The following ARHGEF10L variants were observed in gnomAD, a reference collection of about 807,000 sequenced individuals.
The protein encoded by ARHGEF10L is Rho guanine nucleotide exchange factor 10 like.
In ARHGEF10L, 69 loss-of-function variants were observed where a neutral mutation model predicts 141.2. The observed-to-expected ratio is 0.49, with a 90% CI of 0.40 to 0.60. ARHGEF10L has a LOEUF of 0.60. Among genes scored for constraint, ARHGEF10L ranks in the 20% least tolerant of loss-of-function variants. ARHGEF10L has a pLI of 0.00. For synonymous variants in ARHGEF10L, 711 were observed against 718.5 expected, an observed-to-expected ratio of 0.99 and a Z score of 0.17; for missense variants, 1,482 against 1,734.3, an observed-to-expected ratio of 0.85 and a Z score of 2.58.
intron 1 of ARHGEF10L, among the ~76,000 whole-genome samples, chr1:17,566,691 A>T (rs72648412): frequency 0.036 from 5,484 of 152,300 alleles, 154 homozygotes; most frequent in South Asian, 0.15. Context: ...CCAGTATCAG[A>T]CCTGGGAGAG....
intron 7 of ARHGEF10L, among the ~76,000 whole-genome samples, 173 bp from the exon 8 acceptor site, chr1:17,612,885 G>C (rs1199361281): frequency 6.6e-6 from 1 of 152,230 alleles, no homozygotes; most frequent in Non-Finnish European, 1.5e-5. Flanking sequence ...TTCCGGGCAG[G>C]ATCTGGCTGG....
rs1248429322 is a variant in ARHGEF10L at position 17,621,955 on chromosome 1, G to A, written c.1020+14G>A. The A allele has an allele frequency of 1.9e-6, 3 of 1,614,100 alleles. No homozygotes were observed. Among genetic ancestry groups the A allele is most frequent in the Non-Finnish European group, 1.7e-6 (2 of 1,179,946 alleles). On this transcript the variant is annotated intron_variant, in intron 11 of 28. Transcript: ENST00000361221. This position sits in a 1 kb window ranked among gnomAD's most constrained non-coding sequence, Gnocchi z 4.1. ...CGGATACTCCAGGTGCGACTTCAGG[G>A]AGTTCTCAAGGGTCTCTGGGGAGAA...
upstream of ARHGEF10L, among the ~76,000 whole-genome samples, chr1:17,536,992 C>T (rs2076585148): frequency 6.6e-6 from 1 of 152,070 alleles, no homozygotes; most frequent in African/African-American, 2.4e-5. Flanking sequence ...ACCTCAGCCA[C>T]CTGAGTAGCT....
At chr1:17,526,136 A>G in the ARHGEF10L span, among the ~76,000 whole-genome samples, 2 of 152,168 alleles carry the variant, frequency 1.3e-5, no homozygotes, top group African/African-American at 4.8e-5. Context: ...GAATTGCTCA[A>G]ATGGATGGCT....
chr1:17,670,386 C>T (rs1449717590), intron 26 of ARHGEF10L, among the ~76,000 whole-genome samples: 2 of 152,246 alleles, frequency 1.3e-5, no homozygotes, highest in African/African-American at 2.4e-5. Flanking sequence ...CACCGGGGCC[C>T]GTGTCAACAC....
rs117932526 is a variant in ARHGEF10L, at chr1:17,676,127, G to A, written c.3010-11446G>A. On this transcript the variant is annotated intron_variant, in intron 26 of 28. Coordinates refer to ENST00000361221, the MANE Select transcript of ARHGEF10L (RefSeq NM_018125.4). ...AGGTGTACGTGCAGGCATGGGTGCA[G>A]GCGTGGGTGCAGGTGTAGGTGCAGG... Among the ~76,000 whole-genome samples the A allele has an allele frequency of 7.3e-3, 1,087 of 148,902 alleles. 62 individuals are homozygous for A. In the East Asian group the frequency reaches 0.16, roughly 22 times the overall value.
Position 17,697,504 on chromosome 1 carries a change from A to G in ARHGEF10L, c.*124A>G, listed in dbSNP as rs1455352432. The G allele has an allele frequency of 9.5e-7, 1 of 1,057,346 alleles. No individual in the cohort carries two copies. The highest frequency in any genetic ancestry group is 1.3e-6 in the Non-Finnish European group (1 of 760,118). 65.5% of individuals were successfully genotyped at this position (1,057,346 alleles called of 1,614,324 possible). The stretch of plus-strand genomic sequence containing the variant: ...TGGACTCTCCAGAAACTACTTGGGC[A>G]GAGCAAAGGAAAACCTCTTGTTTTA... On this transcript the variant is annotated 3_prime_UTR_variant, in exon 29 of 29. Transcript: ENST00000361221. The surrounding 1 kb of genome is among the most constrained non-coding windows in gnomAD (Gnocchi z 4.8).
At chr1:17,517,462 T>A in the ARHGEF10L span, among the ~76,000 whole-genome samples, 1 of 152,056 alleles carries the variant, frequency 6.6e-6, no homozygotes, top group Non-Finnish European at 1.5e-5. Context: ...TAGCTAGGAC[T>A]ACAGGTGCGT....
At chr1:17,682,667 G>A (rs1346117588) in intron 26 of ARHGEF10L, among the ~76,000 whole-genome samples, 2 of 152,060 alleles carry the variant, frequency 1.3e-5, no homozygotes, top group African/African-American at 2.4e-5. Flanking sequence ...CAGGGTGAGC[G>A]CTCACCCAGT....
At chr1:17,574,105 GGGAGGAC>G (rs569364652) in intron 1 of ARHGEF10L, among the ~76,000 whole-genome samples, 124 of 152,202 alleles carry the variant, frequency 8.1e-4, no homozygotes, top group African/African-American at 2.8e-3. Context: ...AGGAGGGTCT[GGGAGGAC>G]GCTCCCTGAC....
chr1:17,674,627 T>G (rs1031731511), intron 26 of ARHGEF10L, among the ~76,000 whole-genome samples: 1 of 152,224 alleles, frequency 6.6e-6, no homozygotes, highest in Non-Finnish European at 1.5e-5. Context: ...AGCTGATGCC[T>G]GTGCATGCCT....
chr1:17,560,991 T>G (rs1337090834), intron 1 of ARHGEF10L, among the ~76,000 whole-genome samples: 1 of 152,216 alleles, frequency 6.6e-6, no homozygotes, highest in Non-Finnish European at 1.5e-5. Flanking sequence ...GCTCCAGGAC[T>G]GGGTTTGAAT....
At chr1:17,527,865 CTT>C in the ARHGEF10L span, among the ~76,000 whole-genome samples, 1 of 115,636 alleles carries the variant, frequency 8.6e-6, no homozygotes, top group Non-Finnish European at 1.8e-5. Context: ...TTCTTTCTTT[CTT>C]TTCTTTTTTT....
intron 26 of ARHGEF10L, among the ~76,000 whole-genome samples, chr1:17,681,221 T>A (rs12085855): frequency 0.016 from 2,506 of 152,306 alleles, 69 homozygotes; most frequent in African/African-American, 0.057. Flanking sequence ...ACACCCACTT[T>A]TAAAAAAGTC....
rs1001679873 is a variant in ARHGEF10L, at chr1:17,621,585, G to A, written c.943-279G>A. 6.6e-6 allele frequency among the ~76,000 whole-genome samples: 1 copy of A among 152,238 alleles called. No individual in the cohort carries two copies. Among genetic ancestry groups the A allele is most frequent in the African/African-American group, 2.4e-5 (1 of 41,462 alleles). On this transcript the variant is annotated intron_variant, in intron 10 of 28. Coordinates refer to ENST00000361221, the MANE Select transcript of ARHGEF10L (RefSeq NM_018125.4). The surrounding 1 kb of genome is among the most constrained non-coding windows in gnomAD (Gnocchi z 4.1). Reference sequence around the variant, plus strand: ...GATGGAGGTGGTCACCCGCCACCATGGAGGAGCGTGGTGATTACCCCATCC... The same window carrying A: ...GATGGAGGTGGTCACCCGCCACCATAGAGGAGCGTGGTGATTACCCCATCC...
At chr1:17,677,935 T>C (rs2063827712) in intron 26 of ARHGEF10L, among the ~76,000 whole-genome samples, 1 of 152,098 alleles carries the variant, frequency 6.6e-6, no homozygotes, top group African/African-American at 2.4e-5. Flanking sequence ...GTCACTCCCC[T>C]GCTGGGCCTC....
At position 17,627,536 on chromosome 1, in the gene ARHGEF10L, C is replaced by T. The variant is rs775608182; in HGVS notation, c.1584+33C>T. 2 of 1,603,202 alleles carry T rather than the reference C, an allele frequency of 1.2e-6. No individual in the cohort carries two copies. Among genetic ancestry groups the T allele is most frequent in the South Asian group, 1.1e-5 (1 of 89,886 alleles). On this transcript the variant is annotated intron_variant, in intron 15 of 28. Coordinates refer to ENST00000361221, the MANE Select transcript of ARHGEF10L (RefSeq NM_018125.4). This position sits in a 1 kb window ranked among gnomAD's most constrained non-coding sequence, Gnocchi z 4.0. The stretch of plus-strand genomic sequence containing the variant: ...GGGCCTCCCACCTGCCTGCCCTCAC[C>T]TGCCTGCCCTCACCTGTGCTCCTGC...
intron 15 of ARHGEF10L, among the ~76,000 whole-genome samples, chr1:17,630,591 T>C (rs905800303): frequency 1.3e-5 from 2 of 152,208 alleles, no homozygotes; most frequent in Non-Finnish European, 2.9e-5. Context: ...CACTAGCTGC[T>C]CAATGCAGGG....
At chr1:17,569,292 A>G (rs1046364391) in intron 1 of ARHGEF10L, among the ~76,000 whole-genome samples, 2 of 152,072 alleles carry the variant, frequency 1.3e-5, no homozygotes, top group African/African-American at 4.8e-5. Context: ...TCACACCCTT[A>G]TCTGGGGAGG....
Sources: gnomAD v4.1 joint callset for allele counts (sites outside exome capture counted in the v4.1 genomes callset) on GRCh38, gnomAD v4.1.1 for gene constraint, Gnocchi (gnomAD v3.1) non-coding constraint, MANE v1.5 for transcripts, NCBI Gene and HGNC (gene_info 2026-07-23, HGNC 2026-07-21) for gene names.